Variants in PIP4K2A observed in about 807,000 individuals in gnomAD.
The protein encoded by PIP4K2A is phosphatidylinositol 5-phosphate 4-kinase type-2 alpha.
Under a neutral mutation model 42.9 loss-of-function variants are expected in PIP4K2A, and 14 were observed. The ratio of observed to expected loss-of-function variants is 0.33; its 90% CI spans 0.22 to 0.51. The LOEUF is 0.51. Among genes scored for constraint, PIP4K2A ranks in the 20% least tolerant of loss-of-function variants. The probability of loss-of-function intolerance (pLI) is 0.97; values close to 1 mark genes in which losing one functional copy is unlikely to be tolerated. For synonymous variants in PIP4K2A, 192 were observed against 192.2 expected, an observed-to-expected ratio of 1.00 and a Z score of 0.01; for missense variants, 434 against 519.8, an observed-to-expected ratio of 0.83 and a Z score of 1.61.
intron 1 of PIP4K2A, among the ~76,000 whole-genome samples, chr10:22,702,987 T>A (rs1488949182): frequency 6.6e-6 from 1 of 152,138 alleles, no homozygotes; most frequent in Non-Finnish European, 1.5e-5. Context: ...GTGTTAAGTG[T>A]CACAGAGAAA....
intron 4 of PIP4K2A, among the ~76,000 whole-genome samples, chr10:22,582,908 AAAAAGT>A (rs1389085641): frequency 1.6e-3 from 238 of 151,714 alleles, no homozygotes; most frequent in African/African-American, 5.6e-3. Flanking sequence ...AAAAAAAAAA[AAAAAGT>A]AAGGATGACT....
At chr10:22,554,652 G>A (rs1317289520) in intron 6 of PIP4K2A, among the ~76,000 whole-genome samples, 1 of 152,278 alleles carries the variant, frequency 6.6e-6, no homozygotes. Flanking sequence ...CCTTTCTGAA[G>A]TGGCGGCGGG....
intron 1 of PIP4K2A, among the ~76,000 whole-genome samples, chr10:22,692,617 C>T (rs762848253): frequency 6.6e-6 from 1 of 152,182 alleles, no homozygotes; most frequent in Non-Finnish European, 1.5e-5. Context: ...GTCTTTTCTG[C>T]TCTGTAGCTT....
intron 1 of PIP4K2A, among the ~76,000 whole-genome samples, chr10:22,680,860 G>A (rs1196920725): frequency 6.6e-6 from 1 of 152,182 alleles, no homozygotes; most frequent in Non-Finnish European, 1.5e-5. Context: ...TGAAAAAGTT[G>A]TAGATTCCAA....
intron 7 of PIP4K2A, among the ~76,000 whole-genome samples, chr10:22,544,778 A>G (rs1212638638): frequency 1.3e-5 from 2 of 152,144 alleles, no homozygotes; most frequent in Non-Finnish European, 2.9e-5. Flanking sequence ...GGAGGCCTGG[A>G]GAGCTTGGCC....
At chr10:22,576,642 T>G (rs72816814) in intron 4 of PIP4K2A, among the ~76,000 whole-genome samples, 1,929 of 152,312 alleles carry the variant, frequency 0.013, 25 homozygotes, top group Middle Eastern at 0.065. Flanking sequence ...GTAATAATAG[T>G]ACTTAACGAT....
At chr10:22,592,775 G>GA (rs2130823664) in intron 3 of PIP4K2A, among the ~76,000 whole-genome samples, 1 of 152,290 alleles carries the variant, frequency 6.6e-6, no homozygotes, top group African/African-American at 2.4e-5. Flanking sequence ...CTGGCCCCCA[G>GA]AAAGTCTCGT....
intron 7 of PIP4K2A, among the ~76,000 whole-genome samples, chr10:22,545,555 G>A (rs540928015): frequency 2.6e-5 from 4 of 152,310 alleles, no homozygotes; most frequent in South Asian, 2.1e-4. Context: ...GCTTACTGTC[G>A]TCTTCCAGTG....
In PIP4K2A at chr10:22,627,591, T is replaced by TAAAAAAAAAAAAAAAAAAAAAAAAA. The variant is rs57671642; in HGVS notation, c.145-17899_145-17875dup. On this transcript the variant is annotated intron_variant, in intron 1 of 9. Transcript: ENST00000376573. ...TGTTTAACCAAAAGCTAATATGTAA[T>TAAAAAAAAAAAAAAAAAAAAAAAAA]AAAAAAAAAAAAAAAAAAAAAAAAA... 5.1e-4 allele frequency among the ~76,000 whole-genome samples: 29 copies of TAAAAAAAAAAAAAAAAAAAAAAAAA among 57,032 alleles called. 1 individual carries two copies. The highest frequency in any genetic ancestry group is 9.6e-4 in the East Asian group (1 of 1,042). 37.4% of individuals were successfully genotyped at this position (57,032 alleles called of 152,430 possible).
chr10:22,550,529 C>T (rs1449208508), intron 7 of PIP4K2A, 130 bp downstream of exon 7: 31 of 687,050 alleles, frequency 4.5e-5, no homozygotes, highest in Non-Finnish European at 7.8e-5. Flanking sequence ...TCATGTCTGA[C>T]TTCCCTAAGG....
chr10:22,565,524 T>C (rs1393005007), intron 6 of PIP4K2A, among the ~76,000 whole-genome samples: 1 of 152,240 alleles, frequency 6.6e-6, no homozygotes. Context: ...TTTAATCTCT[T>C]AATCCTGTCA....
chr10:22,713,091 T>A (rs1236134269), intron 1 of PIP4K2A, among the ~76,000 whole-genome samples: 1 of 152,198 alleles, frequency 6.6e-6, no homozygotes, highest in African/African-American at 2.4e-5. Flanking sequence ...GCTAAGGTCA[T>A]GGTCAAAATT....
chr10:22,705,425 T>TAAAAAAAAAAAAAAA (rs1833800596), intron 1 of PIP4K2A, among the ~76,000 whole-genome samples: 1 of 56,876 alleles, frequency 1.8e-5, no homozygotes, highest in Non-Finnish European at 3.2e-5. Context: ...AGTACCCCAG[T>TAAAAAAAAAAAAAAA]TAAAAAAAAA....
At chr10:22,662,978 G>A (rs1839234936) in intron 1 of PIP4K2A, among the ~76,000 whole-genome samples, 1 of 152,216 alleles carries the variant, frequency 6.6e-6, no homozygotes, top group South Asian at 2.1e-4. Context: ...CCAGGGTGAG[G>A]AGAAAGAGGA....
intron 1 of PIP4K2A, among the ~76,000 whole-genome samples, chr10:22,705,425 T>TAAAAAA (rs1833800596): frequency 1.8e-5 from 1 of 56,876 alleles, no homozygotes. Flanking sequence ...AGTACCCCAG[T>TAAAAAA]TAAAAAAAAA....
chr10:22,683,672 A>C (rs1404474959), intron 1 of PIP4K2A, among the ~76,000 whole-genome samples: 1 of 152,126 alleles, frequency 6.6e-6, no homozygotes, highest in African/African-American at 2.4e-5. Flanking sequence ...TTGATAAAGA[A>C]GTCTGTTGAG....
chr10:22,572,942 C>G (rs911249625), intron 5 of PIP4K2A, among the ~76,000 whole-genome samples: 1 of 152,220 alleles, frequency 6.6e-6, no homozygotes, highest in African/African-American at 2.4e-5. Context: ...GTCTATAGCA[C>G]TTACCACTTC....
intron 1 of PIP4K2A, among the ~76,000 whole-genome samples, chr10:22,711,416 G>A (rs528746643): frequency 3.9e-5 from 6 of 152,302 alleles, no homozygotes; most frequent in Admixed American, 2.6e-4. Context: ...TTCCCTGAAT[G>A]TTGCTGCATT....
intron 1 of PIP4K2A, among the ~76,000 whole-genome samples, chr10:22,683,076 ACAACAAC>A (rs1466383076): frequency 9.5e-4 from 139 of 145,650 alleles, no homozygotes; most frequent in Middle Eastern, 7.5e-3. Context: ...AACAACAACA[ACAACAAC>A]AACAAAAACA....
Sources: gnomAD v4.1 joint callset for allele counts (sites outside exome capture counted in the v4.1 genomes callset) on GRCh38, gnomAD v4.1.1 for gene constraint, MANE v1.5 for transcripts, NCBI Gene and HGNC (gene_info 2026-07-23, HGNC 2026-07-21) for gene names.